Variants in GALNTL6 observed in about 807,000 individuals in gnomAD.
The protein encoded by GALNTL6 is polypeptide N-acetylgalactosaminyltransferase like 6.
In GALNTL6, 46 loss-of-function variants were observed where a neutral mutation model predicts 73.7. That is an observed-to-expected ratio of 0.62 (90% CI 0.49 to 0.80). The LOEUF (loss-of-function observed/expected upper bound fraction) is 0.80. Ranked by LOEUF, GALNTL6 falls within the 30% of genes least tolerant of loss-of-function variation. The pLI is 0.00. For missense variants in GALNTL6, 604 were observed against 755.0 expected, an observed-to-expected ratio of 0.80 and a Z score of 2.34; for synonymous variants, 259 against 263.7, an observed-to-expected ratio of 0.98 and a Z score of 0.17.
At chr4:171,856,612 G>C (rs1735699084) in intron 2 of GALNTL6, among the ~76,000 whole-genome samples, 2 of 152,118 alleles carry the variant, frequency 1.3e-5, no homozygotes, top group Non-Finnish European at 2.9e-5. Flanking sequence ...TGTAAGGTCT[G>C]TCTCAAGTAT....
chr4:171,975,582 T>C (rs1739696818), intron 2 of GALNTL6, among the ~76,000 whole-genome samples: 1 of 151,956 alleles, frequency 6.6e-6, no homozygotes, highest in Non-Finnish European at 1.5e-5. Context: ...TTAAAAGACA[T>C]ACTAGAGAAA....
At chr4:172,970,782 A>G (rs1750544608) in intron 10 of GALNTL6, among the ~76,000 whole-genome samples, 2 of 152,250 alleles carry the variant, frequency 1.3e-5, no homozygotes, top group Admixed American at 1.3e-4. Flanking sequence ...GACAGGCATA[A>G]GAAATTATAA....
intron 2 of GALNTL6, among the ~76,000 whole-genome samples, chr4:172,194,012 T>C (rs1156263007): frequency 1.3e-5 from 2 of 152,156 alleles, no homozygotes; most frequent in Non-Finnish European, 2.9e-5. Context: ...GAAGTAGGCT[T>C]CAGAAGGTGG....
At chr4:172,059,637 A>G (rs1731133361) in intron 2 of GALNTL6, among the ~76,000 whole-genome samples, 1 of 151,794 alleles carries the variant, frequency 6.6e-6, no homozygotes, top group Admixed American at 6.6e-5. Context: ...TTGGAGCTGA[A>G]AAAAAGTCAT....
At chr4:172,403,031 G>T (rs12509779) in intron 5 of GALNTL6, among the ~76,000 whole-genome samples, 82,254 of 151,794 alleles carry the variant, frequency 0.54, 25,725 homozygotes, top group Non-Finnish European at 0.7. Flanking sequence ...CACATAATTT[G>T]TAGAAAGGAA....
At chr4:172,762,172 T>C (rs1461820688) in intron 5 of GALNTL6, among the ~76,000 whole-genome samples, 1 of 152,256 alleles carries the variant, frequency 6.6e-6, no homozygotes, top group Non-Finnish European at 1.5e-5. Context: ...ATTTTGTAGA[T>C]TTTCATTTTT....
At chr4:172,567,821 G>T (rs949243496) in intron 5 of GALNTL6, among the ~76,000 whole-genome samples, 4 of 152,098 alleles carry the variant, frequency 2.6e-5, no homozygotes, top group Non-Finnish European at 5.9e-5. Context: ...GGGTGAGATA[G>T]TTGGAGACTG....
At chr4:172,109,142 T>C (rs1253898760) in intron 2 of GALNTL6, among the ~76,000 whole-genome samples, 14 of 152,324 alleles carry the variant, frequency 9.2e-5, no homozygotes, top group African/African-American at 3.4e-4. Context: ...CATTGACTTT[T>C]TGAGAATTCA....
chr4:172,167,452 T>C (rs981069880), intron 2 of GALNTL6, among the ~76,000 whole-genome samples: 1 of 152,218 alleles, frequency 6.6e-6, no homozygotes, highest in East Asian at 1.9e-4. Context: ...AAGTTGTTGC[T>C]TACCTGCTTA....
chr4:172,283,110 C>T (rs941824739), intron 3 of GALNTL6, among the ~76,000 whole-genome samples: 1 of 151,792 alleles, frequency 6.6e-6, no homozygotes, highest in Admixed American at 6.6e-5. Context: ...AACATCTCTG[C>T]GATCAACACT....
chr4:172,645,214 TTCA>T lies in GALNTL6; in HGVS notation c.554-164144_554-164142del, dbSNP rs1303765754. On this transcript the variant is annotated intron_variant, in intron 5 of 12. Transcript: ENST00000506823. The stretch of plus-strand genomic sequence containing the variant: ...AATAAATTTAATAAAGGTGAATTTA[TTCA>T]TCTTTTATTTCTTTATTAATTCTCT... Among the ~76,000 whole-genome samples the T allele has an allele frequency of 2.6e-5, 4 of 152,144 alleles. No individual in the cohort carries two copies. In the East Asian group the frequency reaches 7.7e-4, roughly 29 times the overall value.
chr4:172,199,783 G>T (rs1735897552), intron 2 of GALNTL6, among the ~76,000 whole-genome samples: 1 of 152,062 alleles, frequency 6.6e-6, no homozygotes, highest in Non-Finnish European at 1.5e-5. Flanking sequence ...TTGCTTGCTT[G>T]TTTTAAATAG....
At chr4:172,368,591 G>C (rs1184701094) in intron 5 of GALNTL6, among the ~76,000 whole-genome samples, 2 of 152,216 alleles carry the variant, frequency 1.3e-5, no homozygotes, top group African/African-American at 4.8e-5. Context: ...ATGTTGTCAA[G>C]TGCTGTTGTG....
intron 2 of GALNTL6, among the ~76,000 whole-genome samples, chr4:171,842,181 T>C (rs955933497): frequency 6.6e-6 from 1 of 152,146 alleles, no homozygotes; most frequent in Non-Finnish European, 1.5e-5. Context: ...GTTATTTATA[T>C]AGTATACATT....
intron 2 of GALNTL6, among the ~76,000 whole-genome samples, chr4:172,020,822 C>G (rs1033079002): frequency 2.0e-5 from 3 of 151,876 alleles, no homozygotes; most frequent in Non-Finnish European, 4.4e-5. Context: ...CCTGTATTAC[C>G]CTGATACTTA....
At chr4:172,042,090 A>G (rs1742102140) in intron 2 of GALNTL6, among the ~76,000 whole-genome samples, 1 of 152,016 alleles carries the variant, frequency 6.6e-6, no homozygotes, top group Non-Finnish European at 1.5e-5. Flanking sequence ...CAGCCATTCA[A>G]TTAATAGCAC....
chr4:172,916,397 G>A (rs1579649996), intron 8 of GALNTL6, among the ~76,000 whole-genome samples: 1 of 152,134 alleles, frequency 6.6e-6, no homozygotes, highest in African/African-American at 2.4e-5. Context: ...TTCTGGCCAG[G>A]GCAATCAGAC....
At chr4:172,715,798 T>C (rs921098814) in intron 5 of GALNTL6, among the ~76,000 whole-genome samples, 4 of 152,164 alleles carry the variant, frequency 2.6e-5, no homozygotes, top group African/African-American at 9.7e-5. Context: ...GGATCTGCTG[T>C]TGGTGTTAAA....
intron 5 of GALNTL6, among the ~76,000 whole-genome samples, chr4:172,630,992 A>C (rs1739371173): frequency 6.6e-6 from 1 of 151,986 alleles, no homozygotes; most frequent in Admixed American, 6.6e-5. Flanking sequence ...TGCAATATAT[A>C]TAAACTGTAT....
Sources: gnomAD v4.1 joint callset for allele counts (sites outside exome capture counted in the v4.1 genomes callset) on GRCh38, gnomAD v4.1.1 for gene constraint, MANE v1.5 for transcripts, NCBI Gene and HGNC (gene_info 2026-07-23, HGNC 2026-07-21) for gene names.